Variants in ANAPC10 observed in about 807,000 individuals in gnomAD.
The protein encoded by ANAPC10 is anaphase-promoting complex subunit 10.
A neutral mutation model predicts 22.0 loss-of-function variants in ANAPC10; 12 were observed. The observed-to-expected ratio is 0.55, with a 90% CI of 0.35 to 0.88. The LOEUF is 0.88. Among genes scored for constraint, ANAPC10 ranks in the 40% least tolerant of loss-of-function variants. ANAPC10 has a pLI of 0.01. For missense variants in ANAPC10, 188 were observed against 220.9 expected (o/e 0.85, Z 0.94); for synonymous variants, 65 against 69.5 (o/e 0.94, Z 0.32).
chr4:145,086,774 C>A (rs769641671), intron 2 of ANAPC10, among the ~76,000 whole-genome samples: 1 of 151,816 alleles, frequency 6.6e-6, no homozygotes, highest in African/African-American at 2.4e-5. Flanking sequence ...CTCCCCCCAC[C>A]CTCATGTCCC....
chr4:145,036,995 C>CGTGT (rs202100756), intron 4 of ANAPC10, among the ~76,000 whole-genome samples: 5,290 of 131,096 alleles, frequency 0.04, 182 homozygotes, highest in Non-Finnish European at 0.041. Flanking sequence ...AAATAGATAA[C>CGTGT]GTGTGTGTGT....
At chr4:145,084,170 G>T (rs766167993) in intron 2 of ANAPC10, among the ~76,000 whole-genome samples, 2 of 152,126 alleles carry the variant, frequency 1.3e-5, no homozygotes, top group Non-Finnish European at 2.9e-5. Flanking sequence ...TCTGTTCCAC[G>T]TAATCCAAAC....
intron 4 of ANAPC10, among the ~76,000 whole-genome samples, chr4:145,014,616 C>A (rs540090298): frequency 6.6e-6 from 1 of 152,252 alleles, no homozygotes; most frequent in Non-Finnish European, 1.5e-5. Flanking sequence ...GCGCCACCTC[C>A]TGGCAGGACA....
chr4:145,082,688 T>C (rs910681443), intron 2 of ANAPC10, among the ~76,000 whole-genome samples: 1 of 152,222 alleles, frequency 6.6e-6, no homozygotes, highest in Non-Finnish European at 1.5e-5. Flanking sequence ...TTACCCAGAA[T>C]CCCATGTTCT....
chr4:145,029,999 G>GCC (rs1438436373), intron 4 of ANAPC10, among the ~76,000 whole-genome samples: 14 of 152,180 alleles, frequency 9.2e-5, no homozygotes, highest in African/African-American at 3.1e-4. Flanking sequence ...TCCCAAGGTG[G>GCC]CAGGCGCTAA....
At chr4:145,044,269 A>G (rs2127156211) in intron 4 of ANAPC10, among the ~76,000 whole-genome samples, 1 of 152,278 alleles carries the variant, frequency 6.6e-6, no homozygotes, top group South Asian at 2.1e-4. Context: ...TTCAGAAAAG[A>G]GCTCAATGCA....
At chr4:145,018,996 C>T (rs888998757) in intron 4 of ANAPC10, among the ~76,000 whole-genome samples, 4 of 152,102 alleles carry the variant, frequency 2.6e-5, no homozygotes, top group Non-Finnish European at 5.9e-5. Context: ...AACACCATAA[C>T]AGTGGGGGAC....
At chr4:145,042,268 T>C (rs1739625513) in intron 4 of ANAPC10, among the ~76,000 whole-genome samples, 1 of 152,176 alleles carries the variant, frequency 6.6e-6, no homozygotes, top group African/African-American at 2.4e-5. Context: ...CCCATAAATA[T>C]ACTTCCTGAA....
chr4:145,026,850 T>C (rs1311015455), intron 4 of ANAPC10, among the ~76,000 whole-genome samples: 1 of 145,600 alleles, frequency 6.9e-6, no homozygotes, highest in Non-Finnish European at 1.5e-5. Flanking sequence ...TGTTAATTTT[T>C]AAAATGGTCA....
intron 4 of ANAPC10, among the ~76,000 whole-genome samples, chr4:145,037,433 C>T (rs1316224037): frequency 6.6e-6 from 1 of 151,824 alleles, no homozygotes; most frequent in East Asian, 1.9e-4. Flanking sequence ...TAAATTTTAA[C>T]AGTAAATAAA....
At chr4:145,002,324 C>A (rs1261693431) in intron 4 of ANAPC10, among the ~76,000 whole-genome samples, 2 of 152,080 alleles carry the variant, frequency 1.3e-5, no homozygotes, top group Non-Finnish European at 2.9e-5. Flanking sequence ...AGAAGAAAGA[C>A]AGACTCCAAC....
intron 4 of ANAPC10, among the ~76,000 whole-genome samples, chr4:145,009,893 A>G (rs1476926395): frequency 2.0e-5 from 3 of 152,142 alleles, no homozygotes; most frequent in Admixed American, 6.6e-5. Context: ...GCAACCTACA[A>G]AATGGGAGAA....
At chr4:145,047,006 A>C (rs1740408630) in intron 4 of ANAPC10, among the ~76,000 whole-genome samples, 1 of 152,126 alleles carries the variant, frequency 6.6e-6, no homozygotes, top group African/African-American at 2.4e-5. Context: ...AGTTATATTG[A>C]CTAAGAATCT....
intron 4 of ANAPC10, among the ~76,000 whole-genome samples, chr4:145,017,316 A>G (rs1189824808): frequency 2.0e-5 from 3 of 152,268 alleles, no homozygotes; most frequent in African/African-American, 7.2e-5. Flanking sequence ...GAAGGATATG[A>G]ACAGACACTT....
chr4:145,039,062 T>A (rs1470912293), intron 4 of ANAPC10, among the ~76,000 whole-genome samples: 1 of 46,644 alleles, frequency 2.1e-5, no homozygotes, highest in Non-Finnish European at 3.6e-5. Context: ...GCAAAACCTA[T>A]AAGAAGCAGG....
chr4:144,994,615 T>A lies in ANAPC10; in HGVS notation c.*758A>T, dbSNP rs1020497225. The A allele has an allele frequency of 6.6e-6, 1 of 152,106 alleles. No individual in the cohort carries two copies. The highest frequency in any genetic ancestry group is 1.5e-5 in the Non-Finnish European group (1 of 67,974). 9.4% of individuals were successfully genotyped at this position (152,106 alleles called of 1,614,324 possible). ...TTTAATATATATAAAAAATTTCACATACTTTTACGATTTTATGGGATATAT... is the reference window on the plus strand; with the variant it reads ...TTTAATATATATAAAAAATTTCACAAACTTTTACGATTTTATGGGATATAT... On this transcript the variant is annotated 3_prime_UTR_variant, in exon 5 of 5. Coordinates refer to ENST00000507656, the MANE Select transcript of ANAPC10 (RefSeq NM_001256706.2).
At chr4:145,025,475 T>C (rs1736523986) in intron 4 of ANAPC10, among the ~76,000 whole-genome samples, 1 of 151,852 alleles carries the variant, frequency 6.6e-6, no homozygotes, top group African/African-American at 2.4e-5. Context: ...TCTCAACCAA[T>C]AAGGAGGCCC....
intron 4 of ANAPC10, among the ~76,000 whole-genome samples, chr4:145,040,555 T>C (rs1440216731): frequency 2.6e-5 from 4 of 152,242 alleles, no homozygotes; most frequent in Non-Finnish European, 5.9e-5. Context: ...TTAAAACATT[T>C]GTTGCAATCA....
intron 4 of ANAPC10, among the ~76,000 whole-genome samples, chr4:145,002,492 C>G (rs889371187): frequency 1.6e-4 from 24 of 152,080 alleles, no homozygotes; most frequent in Non-Finnish European, 2.9e-4. Flanking sequence ...TACAGAGAAA[C>G]TGCTCCAGAA....
Sources: allele counts gnomAD v4.1 joint callset (sites outside exome capture counted in the v4.1 genomes callset), GRCh38; gene constraint gnomAD v4.1.1; transcripts MANE v1.5; gene names NCBI Gene and HGNC (gene_info 2026-07-23, HGNC 2026-07-21).